The following CUL3 variants were observed in gnomAD, a reference collection of about 807,000 sequenced individuals.
CUL3 encodes the protein cullin-3.
A neutral mutation model predicts 89.1 loss-of-function variants in CUL3; 19 were observed. The observed-to-expected ratio is 0.21, with a 90% CI of 0.15 to 0.31. The LOEUF (loss-of-function observed/expected upper bound fraction) is 0.31, where lower values mean the gene tolerates loss of function less well. Ranked by LOEUF, CUL3 falls within the 10% of genes least tolerant of loss-of-function variation. The pLI, the probability that CUL3 is intolerant of heterozygous loss-of-function variation, is 1.00. For missense variants in CUL3, 469 were observed against 942.3 expected (o/e 0.50, Z 6.58); for synonymous variants, 351 against 308.4 (o/e 1.14, Z -1.45).
chr2:224,529,515 G>A (rs1401057818), intron 3 of CUL3, among the ~76,000 whole-genome samples: 2 of 150,652 alleles, frequency 1.3e-5, no homozygotes, highest in Non-Finnish European at 3.0e-5. Flanking sequence ...TGTAGTCCCA[G>A]CTACTTGGGA....
intron 14 of CUL3, chr2:224,478,810 T>G (rs1304493493): frequency 6.5e-6 from 1 of 153,116 alleles, no homozygotes; most frequent in Non-Finnish European, 1.5e-5. Flanking sequence ...GACAAGAGTA[T>G]GTACTGCCAA....
intron 1 of CUL3, chr2:224,569,815 T>A: frequency 1.8e-5 from 20 of 1,086,140 alleles, no homozygotes; most frequent in Non-Finnish European, 2.3e-5. Flanking sequence ...CCTCTGTGAA[T>A]AATTTTCTAC....
chr2:224,580,536 T>G (rs1695409657), intron 1 of CUL3, among the ~76,000 whole-genome samples: 1 of 152,012 alleles, frequency 6.6e-6, no homozygotes, highest in Non-Finnish European at 1.5e-5. Context: ...ATACAAAAAT[T>G]AGCCAGACGT....
chr2:224,475,176 C>T (rs1260683114), intron 15 of CUL3, among the ~76,000 whole-genome samples: 1 of 152,102 alleles, frequency 6.6e-6, no homozygotes, highest in Admixed American at 6.5e-5. Flanking sequence ...CACCACCACA[C>T]CCGGCTAATT....
At chr2:224,522,690 G>C (rs1346525365) in intron 3 of CUL3, among the ~76,000 whole-genome samples, 1 of 152,058 alleles carries the variant, frequency 6.6e-6, no homozygotes, top group Non-Finnish European at 1.5e-5. Context: ...TTAGCCAGGC[G>C]TGGTGGCGGG....
At position 224,495,866 on chromosome 2, in the gene CUL3, A is replaced by C; in HGVS notation, c.1808T>G (p.Met603Arg). 3 of 1,611,256 alleles carry C rather than the reference A, an allele frequency of 1.9e-6. No individual in the cohort carries two copies. Among genetic ancestry groups the C allele is most frequent in the Non-Finnish European group, 2.5e-6 (3 of 1,177,400 alleles). Residue 603 changes from methionine (M) to arginine (R), a missense_variant, in exon 13 of 16, where the codon ATG (methionine) becomes AGG (arginine). Physicochemically the swap from Met to Arg is moderately conservative, Grantham distance 91 (BLOSUM62 -1). Transcript: ENST00000264414. The stretch of plus-strand genomic sequence containing the variant: ...GTATTTTTCTCTATTATTAAAGAGC[A>C]TTAATATGGTCATCTGGAAAGTGGA... ...QVSTFQMTIL[M>R]LFNNREKYTF...
At chr2:224,584,909 G>A (rs745418273) in intron 1 of CUL3, 35 bp downstream of exon 1, 42 of 1,438,584 alleles carry the variant, frequency 2.9e-5, no homozygotes, top group Admixed American at 2.2e-4. Context: ...CCCGGCCCCC[G>A]GCCCCGGGGT....
chr2:224,545,354 C>T (rs1345947816), intron 2 of CUL3, among the ~76,000 whole-genome samples: 1 of 151,968 alleles, frequency 6.6e-6, no homozygotes, highest in Non-Finnish European at 1.5e-5. Context: ...AGTAAGATAG[C>T]CACTGTAGGG....
At chr2:224,496,310 G>A (rs111424403) in intron 12 of CUL3, among the ~76,000 whole-genome samples, 4 of 152,312 alleles carry the variant, frequency 2.6e-5, no homozygotes, top group African/African-American at 7.2e-5. Flanking sequence ...GATTATGGGC[G>A]TGAGCCACCA....
intron 12 of CUL3, 99 bp downstream of exon 12, chr2:224,497,652 GAA>G: frequency 1.2e-6 from 1 of 834,394 alleles, no homozygotes; most frequent in Non-Finnish European, 1.9e-6. Flanking sequence ...GACAGGCAGA[GAA>G]ACAGAAGTAA....
intron 1 of CUL3, among the ~76,000 whole-genome samples, chr2:224,567,822 T>G (rs925011312): frequency 6.6e-6 from 1 of 151,886 alleles, no homozygotes; most frequent in African/African-American, 2.4e-5. Flanking sequence ...TCTACTTCCC[T>G]CAAAATCACA....
chr2:224,514,466 T>A (rs1203891928), intron 4 of CUL3, 146 bp downstream of exon 4: 1 of 590,534 alleles, frequency 1.7e-6, no homozygotes, highest in African/African-American at 1.8e-5. Context: ...TGGGTAACTG[T>A]TAACTCTGAT....
At position 224,578,718 on chromosome 2, in the gene CUL3, TA is replaced by T. The variant is rs371066594; in HGVS notation, c.66+6225del. Among the ~76,000 whole-genome samples, 349 of 152,076 alleles carry T rather than the reference TA, an allele frequency of 2.3e-3. 4 individuals carry two copies. The highest frequency in any genetic ancestry group is 7.9e-3 in the African/African-American group (330 of 41,514). ...ACAATGGGCTAACAAGAACTACTTT[TA>T]AAAAAAAGTTGCATTATTTAAAACT... On this transcript the variant is annotated intron_variant, in intron 1 of 15. Transcript: ENST00000264414.
chr2:224,534,996 G>A lies in CUL3; in HGVS notation c.378+532C>T, dbSNP rs1026077052. On this transcript the variant is annotated intron_variant, in intron 3 of 15. Coordinates refer to ENST00000264414, the MANE Select transcript of CUL3 (RefSeq NM_003590.5). ...AGCCTGGGGAACAGAGCGAGACCCC[G>A]TCTCAAAATAAATAAATAAATAAAT... Among the ~76,000 whole-genome samples the A allele has an allele frequency of 2.9e-4, 40 of 140,230 alleles. 1 individual carries two copies. Among genetic ancestry groups the A allele is most frequent in the South Asian group, 2.3e-4 (1 of 4,406 alleles). The allele number at this position is 140,230 out of a possible 152,430, so 92.0% of individuals were successfully genotyped here. A position where few individuals can be genotyped will look rare whatever the true frequency, so the allele number is the denominator to read the frequency against.
chr2:224,503,257 T>C (rs753825563), intron 9 of CUL3, among the ~76,000 whole-genome samples, 185 bp from the exon 10 acceptor site: 1 of 152,218 alleles, frequency 6.6e-6, no homozygotes, highest in African/African-American at 2.4e-5. Context: ...TCCCAGATTC[T>C]TTCAGAGATT....
At chr2:224,525,867 T>C (rs1050639855) in intron 3 of CUL3, among the ~76,000 whole-genome samples, 1 of 152,208 alleles carries the variant, frequency 6.6e-6, no homozygotes, top group African/African-American at 2.4e-5. Context: ...AGTTTTAAGA[T>C]GGTATAAAAC....
chr2:224,542,376 A>G (rs1055094793), intron 2 of CUL3, among the ~76,000 whole-genome samples: 1 of 152,150 alleles, frequency 6.6e-6, no homozygotes, highest in African/African-American at 2.4e-5. Context: ...CCCAGGCTGG[A>G]GTACAGTGAC....
At chr2:224,496,019 A>G (rs1692156587) in intron 12 of CUL3, 53 bp from the exon 13 acceptor site, 7 of 1,583,874 alleles carry the variant, frequency 4.4e-6, no homozygotes, top group South Asian at 2.2e-5. Flanking sequence ...TCCTGGTAAC[A>G]TTAATGTATG....
At chr2:224,536,797 T>C (rs1191050629) in intron 2 of CUL3, among the ~76,000 whole-genome samples, 1 of 152,252 alleles carries the variant, frequency 6.6e-6, no homozygotes, top group Non-Finnish European at 1.5e-5. Flanking sequence ...TTTCCTGCTA[T>C]GCTATCTGCC....
Sources: allele counts gnomAD v4.1 joint callset (sites outside exome capture counted in the v4.1 genomes callset), GRCh38; gene constraint gnomAD v4.1.1; transcripts MANE v1.5; gene names NCBI Gene and HGNC (gene_info 2026-07-23, HGNC 2026-07-21).